The following DZANK1 variants were observed in gnomAD, a reference collection of about 807,000 sequenced individuals.
DZANK1 encodes double zinc ribbon and ankyrin repeat-containing protein 1.
A neutral mutation model predicts 94.5 loss-of-function variants in DZANK1; 91 were observed. The ratio of observed to expected loss-of-function variants is 0.96; its 90% CI spans 0.81 to 1.15. The LOEUF is 1.15. DZANK1 is among the 50% of genes most tolerant of loss of function. DZANK1 has a pLI of 0.00. For synonymous variants in DZANK1, 312 were observed against 325.3 expected (o/e 0.96, Z 0.44); for missense variants, 903 against 916.4 (o/e 0.99, Z 0.19).
At position 18,389,820 on chromosome 20, in the gene DZANK1, G is replaced by T. The variant is rs776755912; in HGVS notation, c.1899C>A (p.Asp633Glu). 7.4e-6 allele frequency: 12 copies of T among 1,613,942 alleles called. No homozygotes were observed. Among genetic ancestry groups the T allele is most frequent in the South Asian group, 6.6e-5 (6 of 91,082 alleles). ...GATTGTCTTCATCACAGCAGTTGGG[G>T]TCTGCTCCCTGCAGCAAACGGAAAA... Residue 633 changes from aspartate to glutamate, a missense_variant, in exon 19 of 21, where the codon GAC becomes GAA. By Grantham distance (45) the Asp-to-Glu change is conservative. Coordinates refer to ENST00000262547, the Ensembl canonical transcript of DZANK1.
chr20:18,457,797 A>C (rs1394514165), intron 3 of DZANK1, among the ~76,000 whole-genome samples: 1 of 152,222 alleles, frequency 6.6e-6, no homozygotes, highest in Non-Finnish European at 1.5e-5. Flanking sequence ...ACTAGCTGCA[A>C]CGGGGATTGG....
intron 13 of DZANK1, among the ~76,000 whole-genome samples, chr20:18,401,445 G>T (rs1295587777): frequency 6.6e-6 from 1 of 152,180 alleles, no homozygotes; most frequent in East Asian, 1.9e-4. Flanking sequence ...AAACTTAGTG[G>T]TTTAAAACAT....
intron 17 of DZANK1, 114 bp downstream of exon 17, chr20:18,393,597 T>TA: frequency 1.4e-6 from 1 of 690,564 alleles, no homozygotes; most frequent in South Asian, 2.1e-5. Context: ...AGAAACCTCA[T>TA]AAAAAAGGAA....
intron 8 of DZANK1, among the ~76,000 whole-genome samples, chr20:18,440,742 T>C (rs2058691972): frequency 6.6e-6 from 1 of 152,066 alleles, no homozygotes. Context: ...TCCTCAGACA[T>C]AAGGGCAAAC....
chr20:18,445,907 G>A (rs1425636946), intron 7 of DZANK1, among the ~76,000 whole-genome samples: 1 of 151,970 alleles, frequency 6.6e-6, no homozygotes, highest in Non-Finnish European at 1.5e-5. Flanking sequence ...ACAGGCATGT[G>A]CCACCATGCC....
exon 3 of DZANK1, chr20:18,460,258 T>A: frequency 6.3e-7 from 1 of 1,590,486 alleles, no homozygotes; most frequent in South Asian, 1.1e-5. Flanking sequence ...CTTTAGAAAT[T>A]CAGGTTTGCT....
chr20:18,414,458 G>A (rs776156180), exon 12 of DZANK1: 1 of 1,613,680 alleles, frequency 6.2e-7, no homozygotes, highest in Non-Finnish European at 8.5e-7. Context: ...CGGGCAGACA[G>A]GTGATTGCTG....
chr20:18,454,648 A>G, intron 4 of DZANK1: 1 of 154,902 alleles, frequency 6.5e-6, no homozygotes, highest in South Asian at 2.0e-4. Flanking sequence ...TTTCAACATA[A>G]AAGAATTCTA....
chr20:18,393,595 CAT>C (rs771863123), intron 17 of DZANK1, 114 bp downstream of exon 17: 9 of 666,498 alleles, frequency 1.4e-5, no homozygotes, highest in Non-Finnish European at 2.3e-5. Context: ...TGAGAAACCT[CAT>C]AAAAAAGGAA....
chr20:18,407,113 C>T (rs2057002115), intron 13 of DZANK1, among the ~76,000 whole-genome samples: 1 of 152,256 alleles, frequency 6.6e-6, no homozygotes, highest in Admixed American at 6.5e-5. Context: ...TGCTCAAGGC[C>T]TGGTAGAACT....
intron 13 of DZANK1, among the ~76,000 whole-genome samples, chr20:18,405,040 T>C (rs1022380782): frequency 1.3e-5 from 2 of 151,990 alleles, no homozygotes; most frequent in African/African-American, 4.8e-5. Flanking sequence ...CAAAAATTTT[T>C]TTTTAATTAG....
At chr20:18,401,939 T>A (rs1334277770) in intron 13 of DZANK1, among the ~76,000 whole-genome samples, 1 of 152,140 alleles carries the variant, frequency 6.6e-6, no homozygotes, top group Non-Finnish European at 1.5e-5. Context: ...ACAGGAGGGA[T>A]GTGAGGAGTG....
rs1391146629 is a variant in DZANK1 at position 18,448,865 on chromosome 20, TC to T, written c.629+118del. The T allele has an allele frequency of 2.6e-5, 17 of 650,660 alleles. No homozygotes were observed. The African/African-American group carries it at 3.2e-4, about 12-fold the overall frequency. The allele number at this position is 650,660 out of a possible 1,614,324, so 40.3% of individuals were successfully genotyped here. On this transcript the variant is annotated intron_variant, in intron 7 of 20. Coordinates refer to ENST00000262547, the Ensembl canonical transcript of DZANK1. The stretch of plus-strand genomic sequence containing the variant: ...CAGGGTGACAGAGTGAGACTCCGTC[TC>T]AAAAAAAAAAAAAAAAAAAAGTTGG...
intron 8 of DZANK1, among the ~76,000 whole-genome samples, chr20:18,438,665 G>C (rs2058622354): frequency 6.6e-6 from 1 of 152,222 alleles, no homozygotes; most frequent in African/African-American, 2.4e-5. Context: ...GACTGTATTA[G>C]TCTGTTCAGG....
chr20:18,409,659 CCTT>C (rs974741405), intron 13 of DZANK1, among the ~76,000 whole-genome samples: 1 of 151,384 alleles, frequency 6.6e-6, no homozygotes, highest in Non-Finnish European at 1.5e-5. Flanking sequence ...ATTTCTTTTC[CCTT>C]CTTCTCAACA....
exon 17 of DZANK1, chr20:18,393,749 T>G: frequency 6.2e-7 from 1 of 1,613,304 alleles, no homozygotes; most frequent in East Asian, 2.2e-5. Context: ...GTTTTGGTCT[T>G]GAAATTCTTT....
At chr20:18,420,184 T>C (rs1042248140) in intron 10 of DZANK1, 11 of 205,984 alleles carry the variant, frequency 5.3e-5, no homozygotes, top group Admixed American at 4.3e-4. Context: ...TCTCCAAAGC[T>C]TTATGCCTCA....
chr20:18,391,037 A>G (rs2055944159), intron 17 of DZANK1, among the ~76,000 whole-genome samples: 1 of 152,120 alleles, frequency 6.6e-6, no homozygotes. Flanking sequence ...CTCTACTGAA[A>G]ATATAAAAAT....
rs183938143 is a variant in DZANK1 at position 18,453,911 on chromosome 20, G to A, written c.379-84C>T. ...TGCATGATAGAGAAAGTGTCATGGT[G>A]TGCATTTCTTATTTGAAAGAGTTTA... On this transcript the variant is annotated intron_variant, in intron 4 of 20. Transcript: ENST00000262547. 1,098 of 904,862 alleles carry A rather than the reference G, an allele frequency of 1.2e-3. 8 individuals carry two copies. The highest frequency in any genetic ancestry group is 8.9e-4 in the South Asian group (68 of 76,594). The allele number at this position is 904,862 out of a possible 1,614,324, so 56.1% of individuals were successfully genotyped here.
Sources: allele counts gnomAD v4.1 joint callset (sites outside exome capture counted in the v4.1 genomes callset), GRCh38; gene constraint gnomAD v4.1.1; transcripts MANE v1.5; gene names NCBI Gene and HGNC (gene_info 2026-07-23, HGNC 2026-07-21).